SFT2D1: variants seen among roughly 807,000 people sequenced by gnomAD.
The protein encoded by SFT2D1 is SFT2 domain containing 1.
In SFT2D1, 24 loss-of-function variants were observed where a neutral mutation model predicts 28.1. That is an observed-to-expected ratio of 0.85 (90% CI 0.62 to 1.20). The LOEUF (loss-of-function observed/expected upper bound fraction) is 1.20. Ranked by LOEUF, SFT2D1 falls within the 50% of genes most tolerant of loss-of-function variation. The pLI is 0.00. For synonymous variants in SFT2D1, 82 were observed against 73.7 expected, an observed-to-expected ratio of 1.11 and a Z score of -0.58; for missense variants, 181 against 190.9, an observed-to-expected ratio of 0.95 and a Z score of 0.31.
At position 166,322,857 on chromosome 6, in the gene SFT2D1, C is replaced by T. The variant is rs1469799413; in HGVS notation, c.440G>A (p.Arg147Lys). Residue 147 changes from arginine (R) to lysine (K), a missense_variant and splice_region_variant, in exon 7 of 8, where the codon AGG becomes AAG. Transcript: ENST00000361731. Reference sequence around the variant, plus strand: ...GAAGACAAGATTCAAACAAGCTTACCTTGCATATGGGATGTACGACAGGCT... The same window carrying T: ...GAAGACAAGATTCAAACAAGCTTACTTTGCATATGGGATGTACGACAGGCT... ...WYSLSYIPYA[R>K]DAVIKCCSSL... 1 of 1,610,312 alleles carries T rather than the reference C, an allele frequency of 6.2e-7. No individual in the cohort carries two copies. The highest frequency in any genetic ancestry group is 1.3e-5 in the African/African-American group (1 of 74,804).
intron 7 of SFT2D1, 50 bp from the exon 8 acceptor site, chr6:166,320,306 AAAG>A (rs1778326789): frequency 1.3e-6 from 2 of 1,500,550 alleles, no homozygotes; most frequent in Non-Finnish European, 1.8e-6. Context: ...CCTCAAAAGC[AAAG>A]TTGCGCAAAA....
chr6:166,321,138 G>GT (rs1001197558), intron 7 of SFT2D1, among the ~76,000 whole-genome samples: 1 of 151,810 alleles, frequency 6.6e-6, no homozygotes, highest in African/African-American at 2.4e-5. Flanking sequence ...AATGAACTGA[G>GT]TTTCAAAACT....
chr6:166,331,619 A>G (rs1034304358), intron 1 of SFT2D1, among the ~76,000 whole-genome samples: 29 of 152,278 alleles, frequency 1.9e-4, no homozygotes, highest in Non-Finnish European at 1.0e-4. Flanking sequence ...ACTGATCAGG[A>G]AGAATATACA....
rs1778311590 is a variant in SFT2D1, at chr6:166,319,792, T to A, written c.*425A>T. The A allele has an allele frequency of 6.6e-6, 1 of 152,342 alleles. No homozygotes were observed. The highest frequency in any genetic ancestry group is 1.5e-5 in the Non-Finnish European group (1 of 68,264). 9.4% of individuals were successfully genotyped at this position (152,342 alleles called of 1,614,324 possible). The stretch of plus-strand genomic sequence containing the variant: ...ATTTATATATTATTTTTATTACATA[T>A]AATAAGCAATTTTTAGCTTAAAATA... On this transcript the variant is annotated 3_prime_UTR_variant, in exon 8 of 8. Coordinates refer to ENST00000361731, the MANE Select transcript of SFT2D1 (RefSeq NM_145169.3).
intron 1 of SFT2D1, among the ~76,000 whole-genome samples, chr6:166,333,486 G>C (rs191262644): frequency 6.6e-6 from 1 of 152,140 alleles, no homozygotes; most frequent in African/African-American, 2.4e-5. Flanking sequence ...CTGGTTCCTC[G>C]GCCCCACCGT....
At chr6:166,328,234 G>T in intron 4 of SFT2D1, 42 bp downstream of exon 4, 4 of 1,284,714 alleles carry the variant, frequency 3.1e-6, no homozygotes, top group South Asian at 2.8e-5. Flanking sequence ...ACAGTGCAAA[G>T]AATACTTCAA....
At chr6:166,337,261 C>T (rs139432193) in intron 1 of SFT2D1, among the ~76,000 whole-genome samples, 14 of 152,350 alleles carry the variant, frequency 9.2e-5, no homozygotes, top group African/African-American at 3.4e-4. Flanking sequence ...AGCTGGCACA[C>T]GCCTGGCACA....
intron 1 of SFT2D1, chr6:166,335,456 G>A: frequency 1.8e-6 from 1 of 542,908 alleles, no homozygotes. Context: ...TGGTGGTGGA[G>A]AACAATACTT....
At chr6:166,322,911 G>C in intron 6 of SFT2D1, 25 bp from the exon 7 acceptor site, 1 of 1,600,534 alleles carries the variant, frequency 6.2e-7, no homozygotes, top group Non-Finnish European at 8.6e-7. Flanking sequence ...CAAGCATGTT[G>C]AATCTTCATC....
chr6:166,328,337 G>A lies in SFT2D1; in HGVS notation c.254C>T (p.Pro85Leu), dbSNP rs1427611796. 7.6e-6 allele frequency: 12 copies of A among 1,587,798 alleles called. No individual in the cohort carries two copies. The highest frequency in any genetic ancestry group is 1.0e-5 in the Non-Finnish European group (12 of 1,166,766). The change falls in exon 4 of 8, where the codon CCT (proline) becomes CTT (leucine). Residue 85 changes from proline (P) to leucine (L), a missense_variant. Coordinates refer to ENST00000361731, the MANE Select transcript of SFT2D1 (RefSeq NM_145169.3). ...AAACATTTTCTTCAGTTGCTTCACA[G>A]GTCCCATTAAAAAGCATGTACTATT... ...ALASTCFLMG[P>L]VKQLKKMFEA...
At position 166,322,758 on chromosome 6, in the gene SFT2D1, G is replaced by C. The variant is rs1007818194; in HGVS notation, c.440+99C>G. The stretch of plus-strand genomic sequence containing the variant: ...AAATTAAAATCAACCAAAAAAAAAG[G>C]GTTTAAATAGTATTTTTATGTAAAA... On this transcript the variant is annotated intron_variant, in intron 7 of 7. Transcript: ENST00000361731. 2 of 932,424 alleles carry C rather than the reference G, an allele frequency of 2.1e-6. 1 individual carries two copies. Among genetic ancestry groups the C allele is most frequent in the Non-Finnish European group, 3.4e-6 (2 of 594,420 alleles). 57.8% of individuals were successfully genotyped at this position (932,424 alleles called of 1,614,324 possible). A position where few individuals can be genotyped will look rare whatever the true frequency, so the allele number is the denominator to read the frequency against.
intron 1 of SFT2D1, among the ~76,000 whole-genome samples, chr6:166,342,059 T>C (rs979494119): frequency 2.0e-5 from 3 of 152,182 alleles, no homozygotes; most frequent in South Asian, 2.1e-4. Flanking sequence ...ATGCCCTGCA[T>C]AGCTACTTAC....
intron 5 of SFT2D1, among the ~76,000 whole-genome samples, chr6:166,325,444 C>T (rs527406333): frequency 7.9e-5 from 12 of 152,266 alleles, no homozygotes; most frequent in East Asian, 5.8e-4. Context: ...AAGAAGTAAA[C>T]GGAATTGTAA....
intron 1 of SFT2D1, chr6:166,335,335 C>T (rs377436372): frequency 5.2e-6 from 3 of 577,346 alleles, no homozygotes; most frequent in East Asian, 4.4e-5. Flanking sequence ...ATGATGGAAT[C>T]AATTCTGGAG....
intron 1 of SFT2D1, among the ~76,000 whole-genome samples, chr6:166,342,006 C>T (rs892978178): frequency 6.6e-6 from 1 of 152,156 alleles, no homozygotes; most frequent in Non-Finnish European, 1.5e-5. Context: ...CAAACAGATG[C>T]AACAAGCTTT....
chr6:166,322,818 T>C, intron 7 of SFT2D1, 39 bp downstream of exon 7: 1 of 1,563,106 alleles, frequency 6.4e-7, no homozygotes, highest in East Asian at 2.2e-5. Context: ...TGAAGATAAG[T>C]AAAGAACCAG....
At chr6:166,339,355 C>T (rs530979699) in intron 1 of SFT2D1, among the ~76,000 whole-genome samples, 1 of 152,248 alleles carries the variant, frequency 6.6e-6, no homozygotes, top group African/African-American at 2.4e-5. Flanking sequence ...TCCTCAATAG[C>T]CCCCTAGCAA....
Position 166,328,312 on chromosome 6 carries a change from A to C in SFT2D1, c.279T>G (p.Phe93Leu). ...TTGTTGCAAGCAATCTTGTTGCTTCAAACATTTTCTTCAGTTGCTTCACAG... is the reference window on the plus strand; with the variant it reads ...TTGTTGCAAGCAATCTTGTTGCTTCCAACATTTTCTTCAGTTGCTTCACAG... ...MGPVKQLKKM[F>L]EATRLLATIV... Residue 93 changes from phenylalanine to leucine, a missense_variant, in exon 4 of 8, where the codon TTT becomes TTG. Physicochemically the swap from Phe to Leu is conservative, Grantham distance 22. Transcript: ENST00000361731. The C allele has an allele frequency of 6.3e-7, 1 of 1,597,106 alleles. No homozygotes were observed. Among genetic ancestry groups the C allele is most frequent in the East Asian group, 2.3e-5 (1 of 44,158 alleles).
intron 1 of SFT2D1, among the ~76,000 whole-genome samples, chr6:166,334,176 TCATCCATC>T (rs755958929): frequency 2.6e-5 from 4 of 151,196 alleles, no homozygotes; most frequent in Admixed American, 6.6e-5. Flanking sequence ...ATACATCCAT[TCATCCATC>T]CATCCATCCA....
Sources: allele counts gnomAD v4.1 joint callset (sites outside exome capture counted in the v4.1 genomes callset), GRCh38; gene constraint gnomAD v4.1.1; transcripts MANE v1.5; gene names NCBI Gene and HGNC (gene_info 2026-07-23, HGNC 2026-07-21).